The following TMEM217B variants were observed in gnomAD, a reference collection of about 807,000 sequenced individuals.
TMEM217B encodes transmembrane protein 217B, also known as putative transmembrane protein 217B.
chr6:37,252,307 C>T, the TMEM217B span, among the ~76,000 whole-genome samples: 2 of 151,922 alleles, frequency 1.3e-5, no homozygotes, highest in Non-Finnish European at 2.9e-5. Flanking sequence ...ATTACACAGC[C>T]CCGAGAGCTT....
chr6:37,244,361 T>C, the TMEM217B span, among the ~76,000 whole-genome samples: 1 of 152,236 alleles, frequency 6.6e-6, no homozygotes, highest in African/African-American at 2.4e-5. Flanking sequence ...GGAGAAAAAC[T>C]GTAAACTTCT....
chr6:37,255,414 G>T, the TMEM217B span, among the ~76,000 whole-genome samples: 1 of 152,102 alleles, frequency 6.6e-6, no homozygotes, highest in South Asian at 2.1e-4. Flanking sequence ...GGGTGCGATG[G>T]CTCCCACCTG....
chr6:37,219,097 A>G, the TMEM217B span: 2 of 1,489,406 alleles, frequency 1.3e-6, no homozygotes, highest in Non-Finnish European at 1.8e-6. Context: ...ATGGTAAATT[A>G]CCAGGGTTTC....
the TMEM217B span, among the ~76,000 whole-genome samples, chr6:37,252,887 G>T: frequency 6.6e-6 from 1 of 151,688 alleles, no homozygotes; most frequent in Non-Finnish European, 1.5e-5. Flanking sequence ...TGATCCACCT[G>T]CCTCAGCCTC....
At chr6:37,231,570 G>A in the TMEM217B span, among the ~76,000 whole-genome samples, 10 of 149,690 alleles carry the variant, frequency 6.7e-5, no homozygotes, top group Non-Finnish European at 1.3e-4. Flanking sequence ...CTATTCGGGA[G>A]GCTGAGGCAG....
chr6:37,223,574 T>G, the TMEM217B span, among the ~76,000 whole-genome samples: 22 of 152,196 alleles, frequency 1.4e-4, no homozygotes, highest in African/African-American at 5.3e-4. Context: ...AGTGGCGTGA[T>G]CTCAGTTCAC....
the TMEM217B span, among the ~76,000 whole-genome samples, chr6:37,252,609 ATGTGTGTG>A: frequency 0.34 from 11,836 of 35,046 alleles, 615 homozygotes; most frequent in Non-Finnish European, 0.38. Context: ...GTGTGTGTGT[ATGTGTGTG>A]TATATATATA....
chr6:37,229,347 T>TTTTTTG, the TMEM217B span, among the ~76,000 whole-genome samples: 141 of 131,190 alleles, frequency 1.1e-3, 6 homozygotes, highest in Middle Eastern at 3.7e-3. Flanking sequence ...TTTTTTTTTT[T>TTTTTTG]TTTTTTTTTT....
the TMEM217B span, among the ~76,000 whole-genome samples, chr6:37,247,238 T>C: frequency 6.6e-6 from 1 of 152,136 alleles, no homozygotes; most frequent in African/African-American, 2.4e-5. Context: ...CTACTTATGG[T>C]TAATTTTAGT....
At chr6:37,256,846 C>T in the TMEM217B span, among the ~76,000 whole-genome samples, 1 of 152,124 alleles carries the variant, frequency 6.6e-6, no homozygotes, top group East Asian at 1.9e-4. Flanking sequence ...CCCAAATCAC[C>T]ACGGAATACA....
At chr6:37,231,625 T>C in the TMEM217B span, among the ~76,000 whole-genome samples, 1 of 147,392 alleles carries the variant, frequency 6.8e-6, no homozygotes, top group Non-Finnish European at 1.5e-5. Flanking sequence ...TGAGCCGAGA[T>C]TGCACCATTG....
the TMEM217B span, among the ~76,000 whole-genome samples, chr6:37,219,465 G>A: frequency 6.6e-6 from 1 of 152,214 alleles, no homozygotes; most frequent in Non-Finnish European, 1.5e-5. Context: ...TCTTAGCTGG[G>A]CACAGTGGCT....
At chr6:37,214,334 T>G in the TMEM217B span, among the ~76,000 whole-genome samples, 1 of 152,126 alleles carries the variant, frequency 6.6e-6, no homozygotes, top group African/African-American at 2.4e-5. Context: ...ATGAAGCGAT[T>G]CTCATGCCTC....
chr6:37,255,597 T>C, the TMEM217B span, among the ~76,000 whole-genome samples: 29 of 151,938 alleles, frequency 1.9e-4, 1 homozygote, highest in East Asian at 5.0e-3. Context: ...TGTGGGAGGA[T>C]TGCTTGAGCC....
chr6:37,214,463 G>A, the TMEM217B span, among the ~76,000 whole-genome samples: 5 of 152,144 alleles, frequency 3.3e-5, no homozygotes, highest in African/African-American at 7.2e-5. Flanking sequence ...CTGACCACAA[G>A]TGATCTGCCC....
chr6:37,241,587 T>C, the TMEM217B span, among the ~76,000 whole-genome samples: 1 of 152,164 alleles, frequency 6.6e-6, no homozygotes, highest in Admixed American at 6.5e-5. Flanking sequence ...CCCCCAGTGA[T>C]GCTACAGGTT....
the TMEM217B span, among the ~76,000 whole-genome samples, chr6:37,229,335 GTTTTTTTTT>G: frequency 6.7e-5 from 5 of 74,368 alleles, no homozygotes; most frequent in African/African-American, 1.1e-4. Context: ...GCAACTTTCA[GTTTTTTTTT>G]TTTTTTTTTT....
the TMEM217B span, among the ~76,000 whole-genome samples, chr6:37,253,552 G>C: frequency 6.6e-6 from 1 of 152,072 alleles, no homozygotes; most frequent in Non-Finnish European, 1.5e-5. Context: ...ATACTATAAA[G>C]CTCTCTTGCT....
chr6:37,218,819 A>G, the TMEM217B span: 2 of 1,614,220 alleles, frequency 1.2e-6, no homozygotes, highest in Non-Finnish European at 1.7e-6. Flanking sequence ...GATGAAAGAC[A>G]GGAAGAGGAC....
Sources: gnomAD v4.1 joint callset for allele counts (sites outside exome capture counted in the v4.1 genomes callset) on GRCh38, gnomAD v4.1.1 for gene constraint, MANE v1.5 for transcripts, NCBI Gene and HGNC (gene_info 2026-07-23, HGNC 2026-07-21) for gene names.